Variants in SLC1A7 observed in about 807,000 individuals in gnomAD.
The protein encoded by SLC1A7 is excitatory amino acid transporter 5.
A neutral mutation model predicts 47.7 loss-of-function variants in SLC1A7; 40 were observed. That is an observed-to-expected ratio of 0.84 (90% CI 0.65 to 1.09). The LOEUF is 1.09. Among genes scored for constraint, SLC1A7 ranks in the 50% least tolerant of loss-of-function variants. The probability of loss-of-function intolerance (pLI) is 0.00; values close to 1 mark genes in which losing one functional copy is unlikely to be tolerated. For missense variants in SLC1A7, 746 were observed against 769.5 expected, an observed-to-expected ratio of 0.97 and a Z score of 0.36; for synonymous variants, 323 against 325.6, an observed-to-expected ratio of 0.99 and a Z score of 0.09.
chr1:53,141,945 G>T (rs796151892), intron 1 of SLC1A7, among the ~76,000 whole-genome samples: 3 of 152,202 alleles, frequency 2.0e-5, no homozygotes, highest in African/African-American at 7.2e-5. Context: ...ACGCTTCCTG[G>T]ATCTCTTGTC....
intron 1 of SLC1A7, among the ~76,000 whole-genome samples, chr1:53,136,560 T>TATTATATATAAACATATATA: frequency 1.2e-5 from 1 of 80,484 alleles, no homozygotes; most frequent in African/African-American, 4.5e-5. Flanking sequence ...TATATAAACA[T>TATTATATATAAACATATATA]ATATATAAAC....
At chr1:53,140,162 T>C (rs980598360) in intron 1 of SLC1A7, among the ~76,000 whole-genome samples, 3 of 152,218 alleles carry the variant, frequency 2.0e-5, no homozygotes, top group Non-Finnish European at 2.9e-5. Context: ...AAATAATTGT[T>C]CTAAGCCTCT....
chr1:53,140,603 T>C (rs1334269662), intron 1 of SLC1A7, among the ~76,000 whole-genome samples: 1 of 152,184 alleles, frequency 6.6e-6, no homozygotes, highest in African/African-American at 2.4e-5. Flanking sequence ...GATGATGAGA[T>C]GGTTCCTGAT....
At chr1:53,110,966 C>T (rs1163202002) in intron 3 of SLC1A7, among the ~76,000 whole-genome samples, 5 of 152,102 alleles carry the variant, frequency 3.3e-5, no homozygotes, top group Non-Finnish European at 2.9e-5. Context: ...GCAAACTCTG[C>T]GCACCCACTC....
At chr1:53,108,169 G>A (rs34203701) in intron 3 of SLC1A7, 14,038 of 192,762 alleles carry the variant, frequency 0.073, 684 homozygotes, top group South Asian at 0.12. Flanking sequence ...AGAGGCTTCC[G>A]TTGCATGCCT....
At chr1:53,119,207 G>A (rs1644794483) in intron 2 of SLC1A7, among the ~76,000 whole-genome samples, 1 of 152,044 alleles carries the variant, frequency 6.6e-6, no homozygotes, top group African/African-American at 2.4e-5. Flanking sequence ...CCCTCCAGTT[G>A]GTGAACCATA....
intron 1 of SLC1A7, among the ~76,000 whole-genome samples, chr1:53,137,827 A>G (rs1023964521): frequency 6.6e-6 from 1 of 152,138 alleles, no homozygotes; most frequent in Non-Finnish European, 1.5e-5. Flanking sequence ...TTCCTGCTCC[A>G]GTTTGGACTG....
At position 53,091,950 on chromosome 1, in the gene SLC1A7, T is replaced by A. The variant is rs116280823; in HGVS notation, c.1031+604A>T. On this transcript the variant is annotated intron_variant, in intron 7 of 10. Coordinates refer to ENST00000371494, the MANE Select transcript of SLC1A7 (RefSeq NM_006671.6). ...CTCTGCACTGGGCTGAGGTTTGGGA[T>A]CCTTAAGGCCAAGTGCTGGTTCACC... is the stretch of plus-strand genomic sequence containing the variant. 6.4e-3 allele frequency among the ~76,000 whole-genome samples: 972 copies of A among 152,318 alleles called. 5 individuals carry two copies. The highest frequency in any genetic ancestry group is 0.022 in the African/African-American group (912 of 41,560).
chr1:53,095,507 AC>A (rs1015759717), intron 5 of SLC1A7, among the ~76,000 whole-genome samples: 3 of 150,386 alleles, frequency 2.0e-5, no homozygotes, highest in African/African-American at 4.9e-5. Flanking sequence ...CGGTACACTC[AC>A]ACACTCTGCC....
chr1:53,092,338 T>G (rs1644430715), intron 7 of SLC1A7, among the ~76,000 whole-genome samples: 1 of 152,202 alleles, frequency 6.6e-6, no homozygotes, highest in Admixed American at 6.5e-5. Flanking sequence ...TCAGTGAGCT[T>G]GAGGACTGGG....
At chr1:53,136,559 A>ATCATATAT (rs1644997381) in intron 1 of SLC1A7, among the ~76,000 whole-genome samples, 1 of 99,938 alleles carries the variant, frequency 1.0e-5, no homozygotes, top group Non-Finnish European at 2.0e-5. Flanking sequence ...ATATATAAAC[A>ATCATATAT]TATATATAAA....
chr1:53,130,062 T>TG (rs1200433632), intron 2 of SLC1A7, among the ~76,000 whole-genome samples: 1 of 152,122 alleles, frequency 6.6e-6, no homozygotes, highest in Non-Finnish European at 1.5e-5. Flanking sequence ...TGTCCCCCAT[T>TG]GTGTGGCATG....
chr1:53,090,451 G>A (rs1644407390), intron 8 of SLC1A7, 161 bp downstream of exon 8: 44 of 1,172,252 alleles, frequency 3.8e-5, no homozygotes, highest in Non-Finnish European at 4.4e-5. Context: ...CCTCCCTCCC[G>A]GGCTGTCCTC....
At chr1:53,136,133 TCATGA>T (rs1359068796) in intron 1 of SLC1A7, among the ~76,000 whole-genome samples, 45 of 129,704 alleles carry the variant, frequency 3.5e-4, no homozygotes, top group Admixed American at 7.5e-4. Flanking sequence ...AATATGCCCA[TCATGA>T]CTCTCTCTCT....
intron 9 of SLC1A7, 83 bp downstream of exon 9, chr1:53,089,717 G>T: frequency 6.9e-7 from 1 of 1,459,498 alleles, no homozygotes. Flanking sequence ...CTGGGGAAGG[G>T]ACTCAGCCGC....
Position 53,142,559 on chromosome 1 carries a change from C to A in SLC1A7, c.-110G>T. On this transcript the variant is annotated 5_prime_UTR_variant, in exon 1 of 11. Coordinates refer to ENST00000371494, the MANE Select transcript of SLC1A7 (RefSeq NM_006671.6). ...TCTAGCCCCTCAGCAGGCAGGTGGTCGGAGTTGCTAAACACCAGTCGCCAG... is the reference window on the plus strand; with the variant it reads ...TCTAGCCCCTCAGCAGGCAGGTGGTAGGAGTTGCTAAACACCAGTCGCCAG... 1 of 1,320,152 alleles carries A rather than the reference C, an allele frequency of 7.6e-7. No individual in the cohort carries two copies. The highest frequency in any genetic ancestry group is 1.5e-5 in the South Asian group (1 of 67,300). The allele number at this position is 1,320,152 out of a possible 1,614,324, so 81.8% of individuals were successfully genotyped here.
chr1:53,126,323 T>C (rs1048434918), intron 2 of SLC1A7, among the ~76,000 whole-genome samples: 11 of 152,244 alleles, frequency 7.2e-5, no homozygotes, highest in African/African-American at 2.4e-4. Context: ...AGGAGTCTCC[T>C]GTCTCATTTA....
At chr1:53,110,635 G>C (rs972669682) in intron 3 of SLC1A7, among the ~76,000 whole-genome samples, 2 of 152,204 alleles carry the variant, frequency 1.3e-5, no homozygotes, top group South Asian at 4.1e-4. Flanking sequence ...CCACCATGTG[G>C]AGAAGCCGTT....
At chr1:53,092,924 C>T (rs566252656) in intron 6 of SLC1A7, 137 bp from the exon 7 acceptor site, 46 of 635,838 alleles carry the variant, frequency 7.2e-5, no homozygotes, top group East Asian at 6.0e-4. Context: ...CCAAGGTGCC[C>T]GGCCCAGGCT....
Sources: allele counts gnomAD v4.1 joint callset (sites outside exome capture counted in the v4.1 genomes callset), GRCh38; gene constraint gnomAD v4.1.1; transcripts MANE v1.5; gene names NCBI Gene and HGNC (gene_info 2026-07-23, HGNC 2026-07-21).